Variants in CSMD3 observed in about 807,000 individuals in gnomAD.
The protein encoded by CSMD3 is CUB and sushi domain-containing protein 3.
Under a neutral mutation model 435.2 loss-of-function variants are expected in CSMD3, and 177 were observed. The observed-to-expected ratio is 0.41, with a 90% CI of 0.36 to 0.46. CSMD3 has a LOEUF of 0.46. CSMD3 is among the 20% of genes least tolerant of loss of function. The pLI, the probability that CSMD3 is intolerant of heterozygous loss-of-function variation, is 0.34. For missense variants in CSMD3, 4,265 were observed against 4,504.6 expected, an observed-to-expected ratio of 0.95 and a Z score of 1.52; for synonymous variants, 1,656 against 1,520.5, an observed-to-expected ratio of 1.09 and a Z score of -2.07.
chr8:112,954,745 A>T lies in CSMD3; in HGVS notation c.1359T>A (p.Asp453Glu). 4 of 1,578,838 alleles carry T rather than the reference A, an allele frequency of 2.5e-6. No individual in the cohort carries two copies. Among genetic ancestry groups the T allele is most frequent in the Non-Finnish European group, 2.6e-6 (3 of 1,149,576 alleles). ...ACAATTTAAATCCTCTAGATTTAAA[A>T]TCTATGGCCTTTTTCACTAGTTAAG... The part of the protein sequence containing the change: ...VVTHRVKKAI[D>E]FKSRGFKLFP... The change falls in exon 8 of 71, where the codon GAT becomes GAA. Residue 453 changes from aspartate to glutamate, a missense_variant. Physicochemically the swap from Asp to Glu is conservative, Grantham distance 45. Transcript: ENST00000297405.
At chr8:112,904,633 T>A (rs1259105574) in intron 10 of CSMD3, among the ~76,000 whole-genome samples, 1 of 151,276 alleles carries the variant, frequency 6.6e-6, no homozygotes, top group East Asian at 2.0e-4. Flanking sequence ...AAAGTTAGTC[T>A]CTGATTTATT....
intron 5 of CSMD3, among the ~76,000 whole-genome samples, chr8:113,069,880 A>G (rs566366989): frequency 6.6e-6 from 1 of 152,236 alleles, no homozygotes; most frequent in African/African-American, 2.4e-5. Flanking sequence ...CTGCACAGAC[A>G]AAATAGCAAC....
intron 18 of CSMD3, among the ~76,000 whole-genome samples, chr8:112,651,466 A>G (rs567543342): frequency 6.6e-6 from 1 of 152,090 alleles, no homozygotes; most frequent in African/African-American, 2.4e-5. Flanking sequence ...AGACAATTTT[A>G]TCTTCAACAC....
rs575853123 is a variant in CSMD3 at position 112,414,576 on chromosome 8, T to A, written c.5396-5544A>T. Among the ~76,000 whole-genome samples the A allele has an allele frequency of 5.9e-5, 9 of 152,266 alleles. No homozygotes were observed. The South Asian group carries it at 1.9e-3, about 32-fold the overall frequency. ...TGTGAGAACAGGCTAATACAGTAAA[T>A]TGGTACCAGGAGTGGGGTGCTGCTA... is the stretch of plus-strand genomic sequence containing the variant. On this transcript the variant is annotated intron_variant, in intron 32 of 70. Transcript: ENST00000297405.
chr8:112,266,308 G>A (rs1816939912), intron 59 of CSMD3, among the ~76,000 whole-genome samples: 1 of 152,126 alleles, frequency 6.6e-6, no homozygotes, highest in Non-Finnish European at 1.5e-5. Flanking sequence ...GAGCTGGGTG[G>A]AGGGTGTCAC....
chr8:112,751,643 TATA>T (rs2077573788), intron 13 of CSMD3, among the ~76,000 whole-genome samples: 3 of 141,438 alleles, frequency 2.1e-5, no homozygotes, highest in African/African-American at 5.2e-5. Flanking sequence ...TTTTTTTTTT[TATA>T]TATTTTACCT....
chr8:112,442,201 A>T (rs1211406860), intron 32 of CSMD3, among the ~76,000 whole-genome samples: 1 of 152,052 alleles, frequency 6.6e-6, no homozygotes, highest in Non-Finnish European at 1.5e-5. Flanking sequence ...ACTAATGGAG[A>T]AATAACTCAT....
intron 3 of CSMD3, among the ~76,000 whole-genome samples, chr8:113,212,639 CA>C (rs1373837694): frequency 6.6e-6 from 1 of 150,936 alleles, no homozygotes; most frequent in Non-Finnish European, 1.5e-5. Context: ...ATCACAAGGA[CA>C]AAAAACCAAA....
At chr8:113,017,806 C>T (rs565379166) in intron 6 of CSMD3, among the ~76,000 whole-genome samples, 3 of 151,864 alleles carry the variant, frequency 2.0e-5, no homozygotes, top group Middle Eastern at 3.4e-3. Context: ...AGTGACATTG[C>T]CTTAAACTGT....
intron 63 of CSMD3, among the ~76,000 whole-genome samples, chr8:112,248,407 T>C (rs954892930): frequency 1.3e-5 from 2 of 152,084 alleles, no homozygotes; most frequent in Non-Finnish European, 2.9e-5. Context: ...GGATAAAAAC[T>C]GTACTAACTT....
chr8:112,734,794 T>C (rs891473939), intron 13 of CSMD3, among the ~76,000 whole-genome samples: 1 of 151,998 alleles, frequency 6.6e-6, no homozygotes, highest in Non-Finnish European at 1.5e-5. Flanking sequence ...TATATAAGAA[T>C]AGGTGTCAAG....
At chr8:112,840,782 A>G (rs1473190666) in intron 11 of CSMD3, among the ~76,000 whole-genome samples, 1 of 151,704 alleles carries the variant, frequency 6.6e-6, no homozygotes, top group Non-Finnish European at 1.5e-5. Flanking sequence ...TGCTTCAAAT[A>G]GAAGGCTCCT....
intron 6 of CSMD3, among the ~76,000 whole-genome samples, chr8:112,983,432 C>T (rs897185779): frequency 3.3e-5 from 5 of 151,244 alleles, no homozygotes; most frequent in African/African-American, 4.9e-5. Context: ...CAAGAAACTA[C>T]GCTTATCCCC....
chr8:112,839,238 G>A (rs898685910), intron 11 of CSMD3, among the ~76,000 whole-genome samples: 3 of 151,654 alleles, frequency 2.0e-5, no homozygotes, highest in Non-Finnish European at 4.4e-5. Context: ...AGTGATAAAA[G>A]CTTTTAGCTT....
intron 38 of CSMD3, among the ~76,000 whole-genome samples, chr8:112,368,363 A>G (rs1344376958): frequency 1.3e-5 from 2 of 152,188 alleles, no homozygotes; most frequent in Non-Finnish European, 2.9e-5. Flanking sequence ...AGTGAATCTC[A>G]GATAAACTGA....
At chr8:112,913,172 T>C (rs891025857) in intron 10 of CSMD3, among the ~76,000 whole-genome samples, 1 of 151,866 alleles carries the variant, frequency 6.6e-6, no homozygotes, top group Non-Finnish European at 1.5e-5. Context: ...TCCCCAACCT[T>C]TTAGGCACCA....
At chr8:113,275,281 A>G (rs989057783) in intron 3 of CSMD3, among the ~76,000 whole-genome samples, 2 of 152,224 alleles carry the variant, frequency 1.3e-5, no homozygotes, top group Admixed American at 1.3e-4. Flanking sequence ...ATACCAGTTG[A>G]ACAAATATCT....
At chr8:112,448,755 T>TAAAAAAAAAAAAAAAAAA (rs199998820) in intron 32 of CSMD3, among the ~76,000 whole-genome samples, 6 of 127,204 alleles carry the variant, frequency 4.7e-5, no homozygotes, top group Non-Finnish European at 4.9e-5. Flanking sequence ...TACAATCTAT[T>TAAAAAAAAAAAAAAAAAA]AAAAAAAAAA....
intron 31 of CSMD3, among the ~76,000 whole-genome samples, chr8:112,486,454 T>C (rs1820144406): frequency 6.6e-6 from 1 of 152,066 alleles, no homozygotes; most frequent in Non-Finnish European, 1.5e-5. Context: ...CTTCATGGCA[T>C]TATGGTGAAA....
Sources: allele counts gnomAD v4.1 joint callset (sites outside exome capture counted in the v4.1 genomes callset), GRCh38; gene constraint gnomAD v4.1.1; transcripts MANE v1.5; gene names NCBI Gene and HGNC (gene_info 2026-07-23, HGNC 2026-07-21).